Variants in KIAA1217 observed in about 807,000 individuals in gnomAD.
The protein encoded by KIAA1217 is KIAA1217.
Under a neutral mutation model 163.9 loss-of-function variants are expected in KIAA1217, and 88 were observed. The observed-to-expected ratio is 0.54, with a 90% CI of 0.45 to 0.64. The LOEUF (loss-of-function observed/expected upper bound fraction) is 0.64, where lower values mean the gene tolerates loss of function less well. KIAA1217 is among the 30% of genes least tolerant of loss of function. KIAA1217 has a pLI of 0.00. For synonymous variants in KIAA1217, 903 were observed against 923.1 expected, an observed-to-expected ratio of 0.98 and a Z score of 0.39; for missense variants, 2,372 against 2,475.0, an observed-to-expected ratio of 0.96 and a Z score of 0.88.
chr10:24,183,202 C>T (rs926951911), intron 2 of KIAA1217, among the ~76,000 whole-genome samples: 3 of 152,222 alleles, frequency 2.0e-5, no homozygotes, highest in Non-Finnish European at 4.4e-5. Flanking sequence ...AGGTGATACC[C>T]TTGAACTTCC....
intron 2 of KIAA1217, among the ~76,000 whole-genome samples, chr10:24,140,523 C>A (rs1026756388): frequency 1.3e-5 from 2 of 152,110 alleles, no homozygotes; most frequent in African/African-American, 4.8e-5. Context: ...CCAGACAGCT[C>A]CTAAGTGACT....
chr10:23,958,407 G>A (rs1459371826), intron 1 of KIAA1217, among the ~76,000 whole-genome samples: 1 of 152,168 alleles, frequency 6.6e-6, no homozygotes, highest in East Asian at 1.9e-4. Flanking sequence ...GAGTACACAG[G>A]ATTTTAGCAG....
chr10:24,499,990 T>C (rs981447947), intron 8 of KIAA1217, among the ~76,000 whole-genome samples: 4 of 152,106 alleles, frequency 2.6e-5, no homozygotes, highest in Admixed American at 2.6e-4. Flanking sequence ...TGAGCCACTT[T>C]GAGCTCCACT....
At chr10:23,854,410 T>G (rs531898423) in intron 1 of KIAA1217, among the ~76,000 whole-genome samples, 1 of 152,326 alleles carries the variant, frequency 6.6e-6, no homozygotes, top group South Asian at 2.1e-4. Context: ...CTTTTACATT[T>G]TCTGAGGAGT....
intron 1 of KIAA1217, among the ~76,000 whole-genome samples, chr10:23,719,553 C>A (rs746075463): frequency 6.7e-5 from 10 of 149,466 alleles, no homozygotes; most frequent in Non-Finnish European, 1.3e-4. Context: ...TGCACTCCAG[C>A]CTGGGTGACA....
intron 2 of KIAA1217, among the ~76,000 whole-genome samples, chr10:24,100,212 G>A (rs915369287): frequency 1.3e-5 from 2 of 151,648 alleles, no homozygotes; most frequent in Admixed American, 6.6e-5. Flanking sequence ...AGTTAGGTTG[G>A]TAATAAGCTT....
intron 11 of KIAA1217, 48 bp from the exon 12 acceptor site, chr10:24,521,731 TGTC>T: frequency 6.3e-7 from 1 of 1,585,482 alleles, no homozygotes. Flanking sequence ...GGATGAGGGT[TGTC>T]GTTCTGGCTT....
chr10:24,220,915 T>C (rs1263721593), intron 2 of KIAA1217, among the ~76,000 whole-genome samples: 4 of 152,010 alleles, frequency 2.6e-5, no homozygotes, highest in African/African-American at 4.8e-5. Context: ...TGCAGCACCA[T>C]GCCTGGCTCA....
intron 2 of KIAA1217, among the ~76,000 whole-genome samples, chr10:24,160,983 C>A (rs916991021): frequency 3.3e-5 from 5 of 152,162 alleles, no homozygotes; most frequent in Non-Finnish European, 7.3e-5. Context: ...TTCAGCTATT[C>A]TATTTGTACT....
At chr10:23,844,360 A>G (rs1434674517) in intron 1 of KIAA1217, among the ~76,000 whole-genome samples, 4 of 152,034 alleles carry the variant, frequency 2.6e-5, no homozygotes, top group Non-Finnish European at 5.9e-5. Flanking sequence ...ATAAAAGACT[A>G]TTTTCAATCC....
chr10:24,209,247 C>A lies in KIAA1217; in HGVS notation c.54C>A (p.Asp18Glu). The change falls in exon 1 of 21, where the codon GAC becomes GAA. Residue 18 changes from aspartate (D) to glutamate (E), a missense_variant. Transcript: ENST00000376454. ...KCEPCLPYSA[D>E]RRQMQEQGKG... ...AGCCGTGCCTTCCTTACTCAGCAGA[C>A]AGAAGACAGATGCAGGGTAAGTAAC... is the stretch of plus-strand genomic sequence containing the variant. 1 of 1,613,136 alleles carries A rather than the reference C, an allele frequency of 6.2e-7. No homozygotes were observed. Among genetic ancestry groups the A allele is most frequent in the African/African-American group, 1.3e-5 (1 of 74,790 alleles).
chr10:24,058,053 T>C (rs1310685774), intron 2 of KIAA1217, among the ~76,000 whole-genome samples: 1 of 152,220 alleles, frequency 6.6e-6, no homozygotes, highest in East Asian at 1.9e-4. Flanking sequence ...AATTATTGAT[T>C]CATTTTGAGT....
chr10:24,003,423 C>CT (rs1009556311), intron 1 of KIAA1217, among the ~76,000 whole-genome samples: 42 of 151,974 alleles, frequency 2.8e-4, no homozygotes, highest in Admixed American at 2.7e-3. Context: ...TGATGTTGAG[C>CT]TTTTTTTTAT....
chr10:24,153,198 A>G (rs2064704510), intron 2 of KIAA1217, among the ~76,000 whole-genome samples: 1 of 152,200 alleles, frequency 6.6e-6, no homozygotes. Context: ...TTGGAAGCAA[A>G]TAACTCTTCA....
At chr10:23,935,030 C>T (rs1458963105) in intron 1 of KIAA1217, among the ~76,000 whole-genome samples, 1 of 152,130 alleles carries the variant, frequency 6.6e-6, no homozygotes, top group Non-Finnish European at 1.5e-5. Context: ...GGGTTGATGA[C>T]TCCAAAAACC....
chr10:23,727,444 C>T (rs947793585), intron 1 of KIAA1217, among the ~76,000 whole-genome samples: 3 of 151,822 alleles, frequency 2.0e-5, no homozygotes, highest in African/African-American at 7.3e-5. Context: ...CCTATAATCC[C>T]AGCTACTTGG....
At chr10:23,918,133 C>T (rs1256818951) in intron 1 of KIAA1217, among the ~76,000 whole-genome samples, 4 of 150,386 alleles carry the variant, frequency 2.7e-5, no homozygotes, top group Non-Finnish European at 5.9e-5. Flanking sequence ...CCATGTCAGC[C>T]TCCAGAGTAG....
rs193270097 is a variant in KIAA1217 at position 23,747,068 on chromosome 10, G to A, written c.-321+51834G>A. 1.9e-4 allele frequency among the ~76,000 whole-genome samples: 29 copies of A among 152,258 alleles called. No homozygotes were observed. In the East Asian group the frequency reaches 3.7e-3, roughly 19 times the overall value. On this transcript the variant is annotated intron_variant, in intron 1 of 18. Coordinates refer to the KIAA1217 transcript ENST00000376462. Reference sequence around the variant, plus strand: ...GGCTTGAAACCATCAGGAAGGAAGCGAAGACTACGCAGGGCCTAGGGGACT... The same window carrying A: ...GGCTTGAAACCATCAGGAAGGAAGCAAAGACTACGCAGGGCCTAGGGGACT...
chr10:23,779,867 T>A (rs1835177488), intron 1 of KIAA1217, among the ~76,000 whole-genome samples: 1 of 152,214 alleles, frequency 6.6e-6, no homozygotes, highest in Non-Finnish European at 1.5e-5. Context: ...TTTCTATGTT[T>A]AGATACACAA....
Sources: gnomAD v4.1 joint callset for allele counts (sites outside exome capture counted in the v4.1 genomes callset) on GRCh38, gnomAD v4.1.1 for gene constraint, MANE v1.5 for transcripts, NCBI Gene and HGNC (gene_info 2026-07-23, HGNC 2026-07-21) for gene names.